Variants in ZFAT observed in about 807,000 individuals in gnomAD.
The protein encoded by ZFAT is zinc finger protein ZFAT.
A neutral mutation model predicts 117.7 loss-of-function variants in ZFAT; 64 were observed. The observed-to-expected ratio is 0.54, with a 90% CI of 0.44 to 0.67. ZFAT has a LOEUF of 0.67. ZFAT is among the 30% of genes least tolerant of loss of function. The pLI is 0.00. For synonymous variants in ZFAT, 679 were observed against 615.0 expected, an observed-to-expected ratio of 1.10 and a Z score of -1.54; for missense variants, 1,433 against 1,584.5, an observed-to-expected ratio of 0.90 and a Z score of 1.62.
At chr8:134,650,347 C>T (rs1427786686) in intron 2 of ZFAT, among the ~76,000 whole-genome samples, 5 of 151,962 alleles carry the variant, frequency 3.3e-5, no homozygotes, top group East Asian at 1.9e-4. Flanking sequence ...AGGCTGGTCT[C>T]GAACTCCTGA....
chr8:134,495,451 T>G (rs1351603519), intron 15 of ZFAT, among the ~76,000 whole-genome samples: 1 of 152,106 alleles, frequency 6.6e-6, no homozygotes, highest in Admixed American at 6.5e-5. Context: ...ATCATATGAA[T>G]TAAGGGGGGA....
the ZFAT span, among the ~76,000 whole-genome samples, chr8:134,767,605 G>A: frequency 6.6e-6 from 1 of 152,174 alleles, no homozygotes; most frequent in African/African-American, 2.4e-5. Flanking sequence ...GGGAGGCTGA[G>A]GTGGGAGGAC....
chr8:134,644,187 G>A (rs1388701830), intron 2 of ZFAT, among the ~76,000 whole-genome samples: 2 of 152,108 alleles, frequency 1.3e-5, no homozygotes, highest in African/African-American at 4.8e-5. Context: ...GGCCCCTCCT[G>A]CAGCCCCAGC....
the ZFAT span, among the ~76,000 whole-genome samples, chr8:134,742,416 CCT>C: frequency 6.6e-6 from 1 of 152,170 alleles, no homozygotes; most frequent in Non-Finnish European, 1.5e-5. Flanking sequence ...CTCATCCCCT[CCT>C]CTCTCCCATC....
rs758050176 is a variant in ZFAT, at chr8:134,638,549, C to CAAAAAAAAAAAAAA, written c.197-838_197-837insTTTTTTTTTTTTTT. Among the ~76,000 whole-genome samples the CAAAAAAAAAAAAAA allele has an allele frequency of 2.4e-4, 24 of 101,110 alleles. 2 individuals are homozygous for CAAAAAAAAAAAAAA. Among genetic ancestry groups the CAAAAAAAAAAAAAA allele is most frequent in the Middle Eastern group, 5.3e-3 (1 of 188 alleles). The allele number at this position is 101,110 out of a possible 152,430, so 66.3% of individuals were successfully genotyped here. A position where few individuals can be genotyped will look rare whatever the true frequency, so the allele number is the denominator to read the frequency against. ...TGAAACTCTGTCTCTACTAAAAATACAAAAAAAAAACAAAACAAAAAAAAA... is the reference window on the plus strand; with the variant it reads ...TGAAACTCTGTCTCTACTAAAAATACAAAAAAAAAAAAAAAAAAAAAAAACAAAACAAAAAAAAA... On this transcript the variant is annotated intron_variant, in intron 2 of 15. Coordinates refer to ENST00000377838, the MANE Select transcript of ZFAT (RefSeq NM_020863.4).
At chr8:134,637,424 A>G in intron 3 of ZFAT, 37 bp downstream of exon 3, 2 of 1,582,766 alleles carry the variant, frequency 1.3e-6, no homozygotes, top group South Asian at 2.3e-5. Context: ...ACCTCTTCAT[A>G]AGAAATTGAC....
chr8:134,683,105 C>G (rs1021125830), intron 1 of ZFAT, among the ~76,000 whole-genome samples: 13 of 152,306 alleles, frequency 8.5e-5, no homozygotes, highest in Admixed American at 7.2e-4. Flanking sequence ...TTGTAGAAAA[C>G]TCATAATAAA....
intron 15 of ZFAT, among the ~76,000 whole-genome samples, chr8:134,482,756 G>A (rs555457524): frequency 1.3e-5 from 2 of 152,330 alleles, no homozygotes; most frequent in East Asian, 3.9e-4. Context: ...CAGAAAAAGC[G>A]ATGGAGGCAA....
At position 134,601,798 on chromosome 8, in the gene ZFAT, C is replaced by T. The variant is rs1401908360; in HGVS notation, c.1921G>A (p.Ala641Thr). The stretch of plus-strand genomic sequence containing the variant: ...CCATGGCTTTCCTGATCTGACCCAG[C>T]ACTCTGGGCCTTGGACAGCAGTAGT... ...ITLLLSKAQS[A>T]GSDQESHGAQ... The change falls in exon 6 of 16, where the codon GCT becomes ACT. Residue 641 changes from alanine to threonine, a missense_variant. Ala to Thr is a moderately conservative substitution (Grantham distance 58). Transcript: ENST00000377838. The T allele has an allele frequency of 6.2e-7, 1 of 1,613,910 alleles. No homozygotes were observed.
chr8:134,667,877 A>G (rs915695934), intron 1 of ZFAT, among the ~76,000 whole-genome samples: 1 of 152,268 alleles, frequency 6.6e-6, no homozygotes, highest in Admixed American at 6.5e-5. Context: ...GGGGTGACAG[A>G]CAGCACCTGG....
At chr8:134,628,589 G>A (rs1308073221) in intron 3 of ZFAT, among the ~76,000 whole-genome samples, 3 of 152,122 alleles carry the variant, frequency 2.0e-5, no homozygotes, top group African/African-American at 4.8e-5. Context: ...TGAAATTCGG[G>A]AATAAAAAAG....
At chr8:134,508,025 T>G (rs1326800272) in intron 15 of ZFAT, among the ~76,000 whole-genome samples, 1 of 152,214 alleles carries the variant, frequency 6.6e-6, no homozygotes, top group African/African-American at 2.4e-5. Context: ...ATGAATCTTT[T>G]CTCAGCCAAC....
At chr8:134,689,159 A>G (rs1283286487) in intron 1 of ZFAT, among the ~76,000 whole-genome samples, 1 of 152,182 alleles carries the variant, frequency 6.6e-6, no homozygotes, top group African/African-American at 2.4e-5. Flanking sequence ...GTAACAGTTT[A>G]CCACTGCAAT....
intron 3 of ZFAT, among the ~76,000 whole-genome samples, chr8:134,612,719 G>A (rs184453508): frequency 1.4e-3 from 210 of 152,262 alleles, no homozygotes; most frequent in Non-Finnish European, 2.4e-3. Context: ...TGGTAACATT[G>A]AGCTAAAAAG....
Position 134,665,746 on chromosome 8 carries a change from A to T in ZFAT, c.20-8009T>A, listed in dbSNP as rs181896010. Among the ~76,000 whole-genome samples, 252 of 152,186 alleles carry T rather than the reference A, an allele frequency of 1.7e-3. 1 individual carries two copies. Among genetic ancestry groups the T allele is most frequent in the African/African-American group, 5.8e-3 (242 of 41,510 alleles). On this transcript the variant is annotated intron_variant, in intron 1 of 15. Transcript: ENST00000377838. ...CTTTTGCTGTGCATCACAGAGAGAGAGAGATGGACAGGAGAAGGGGGATGA... is the reference window on the plus strand; with the variant it reads ...CTTTTGCTGTGCATCACAGAGAGAGTGAGATGGACAGGAGAAGGGGGATGA...
At chr8:134,550,189 G>A (rs1293535606) in intron 11 of ZFAT, among the ~76,000 whole-genome samples, 2 of 151,716 alleles carry the variant, frequency 1.3e-5, no homozygotes, top group African/African-American at 4.8e-5. Flanking sequence ...GAGTCCACCG[G>A]GCACCACCCA....
At chr8:134,700,532 C>T (rs1314536889) in intron 1 of ZFAT, among the ~76,000 whole-genome samples, 2 of 152,232 alleles carry the variant, frequency 1.3e-5, no homozygotes, top group African/African-American at 4.8e-5. Context: ...CCTCCCTCCA[C>T]CCCAGTGCTC....
At chr8:134,675,081 G>C (rs1425876348) in intron 1 of ZFAT, among the ~76,000 whole-genome samples, 10 of 152,234 alleles carry the variant, frequency 6.6e-5, no homozygotes, top group African/African-American at 2.4e-4. Flanking sequence ...CGCCAGCGAG[G>C]GGACAAAGCT....
chr8:134,583,604 C>G lies in ZFAT; in HGVS notation c.2887+228G>C, dbSNP rs117462369. Among the ~76,000 whole-genome samples, 69 of 150,998 alleles carry G rather than the reference C, an allele frequency of 4.6e-4. No homozygotes were observed. The East Asian group carries it at 0.013, about 29-fold the overall frequency. ...CTTCCCTCCCTGCATACCTCCACCACTGGCACCGACACACCCAGTAAGTGT... is the reference window on the plus strand; with the variant it reads ...CTTCCCTCCCTGCATACCTCCACCAGTGGCACCGACACACCCAGTAAGTGT... On this transcript the variant is annotated intron_variant, in intron 10 of 15. Coordinates refer to ENST00000377838, the MANE Select transcript of ZFAT (RefSeq NM_020863.4).
Sources: allele counts gnomAD v4.1 joint callset (sites outside exome capture counted in the v4.1 genomes callset), GRCh38; gene constraint gnomAD v4.1.1; transcripts MANE v1.5; gene names NCBI Gene and HGNC (gene_info 2026-07-23, HGNC 2026-07-21).